Variants in TBC1D19 observed in about 807,000 individuals in gnomAD.
TBC1D19 encodes the protein TBC1 domain family member 19.
TBC1D19 carries 60 observed loss-of-function variants against 89.0 expected under a neutral mutation model. The observed-to-expected ratio is 0.67, with a 90% CI of 0.55 to 0.84. The LOEUF (loss-of-function observed/expected upper bound fraction) is 0.84, where lower values mean the gene tolerates loss of function less well. Ranked by LOEUF, TBC1D19 falls within the 40% of genes least tolerant of loss-of-function variation. The pLI is 0.00. For synonymous variants in TBC1D19, 189 were observed against 199.7 expected (o/e 0.95, Z 0.45); for missense variants, 500 against 610.8 (o/e 0.82, Z 1.91).
At chr4:26,612,100 A>G (rs1011506496) in intron 1 of TBC1D19, among the ~76,000 whole-genome samples, 1 of 151,720 alleles carries the variant, frequency 6.6e-6, no homozygotes, top group African/African-American at 2.4e-5. Context: ...TCCTGTACAG[A>G]TGTTGATGTC....
At chr4:26,839,279 T>G in the TBC1D19 span, among the ~76,000 whole-genome samples, 1 of 152,128 alleles carries the variant, frequency 6.6e-6, no homozygotes, top group Admixed American at 6.5e-5. Context: ...AATTAAAACC[T>G]ATGAATTAGT....
At chr4:26,726,505 G>A (rs1256190401) in intron 15 of TBC1D19, among the ~76,000 whole-genome samples, 2 of 152,070 alleles carry the variant, frequency 1.3e-5, no homozygotes, top group Admixed American at 1.3e-4. Flanking sequence ...TTTAAATGTG[G>A]TTATGTTCCT....
At chr4:26,620,722 A>T in intron 4 of TBC1D19, 34 bp downstream of exon 4, 1 of 1,583,084 alleles carries the variant, frequency 6.3e-7, no homozygotes, top group Non-Finnish European at 8.7e-7. Context: ...TTATTTTTTC[A>T]TGCCAAGTTA....
chr4:26,853,685 G>A, the TBC1D19 span, among the ~76,000 whole-genome samples: 35 of 152,162 alleles, frequency 2.3e-4, no homozygotes, highest in African/African-American at 8.2e-4. Context: ...TTACAGGTGT[G>A]CACCACCATG....
intron 11 of TBC1D19, among the ~76,000 whole-genome samples, chr4:26,676,438 C>T (rs1240444727): frequency 6.6e-6 from 1 of 152,186 alleles, no homozygotes; most frequent in Non-Finnish European, 1.5e-5. Context: ...AAATGTCAGG[C>T]TGGGCACAGT....
chr4:26,700,944 C>T (rs144768724), intron 13 of TBC1D19, among the ~76,000 whole-genome samples: 111 of 152,166 alleles, frequency 7.3e-4, no homozygotes, highest in African/African-American at 2.6e-3. Flanking sequence ...AACCAAAAGA[C>T]CCACATTTTT....
At chr4:26,785,524 T>C in the TBC1D19 span, among the ~76,000 whole-genome samples, 2,017 of 152,322 alleles carry the variant, frequency 0.013, 48 homozygotes, top group African/African-American at 0.046. Context: ...TAGTTATTCC[T>C]CTCAAGAAGT....
intron 1 of TBC1D19, among the ~76,000 whole-genome samples, chr4:26,589,354 G>A (rs758701567): frequency 2.6e-5 from 4 of 152,046 alleles, no homozygotes; most frequent in Non-Finnish European, 5.9e-5. Context: ...TAGATCTTAG[G>A]GTACTACAGA....
At chr4:26,827,743 C>A in the TBC1D19 span, among the ~76,000 whole-genome samples, 9 of 142,098 alleles carry the variant, frequency 6.3e-5, no homozygotes, top group Admixed American at 2.9e-4. Context: ...TAGGGTCTTG[C>A]GATGACACTC....
the TBC1D19 span, among the ~76,000 whole-genome samples, chr4:26,772,927 T>A: frequency 6.6e-6 from 1 of 152,206 alleles, no homozygotes; most frequent in African/African-American, 2.4e-5. Flanking sequence ...AATGAACATA[T>A]GCATGAATGT....
At chr4:26,682,325 A>G (rs1713419848) in intron 11 of TBC1D19, among the ~76,000 whole-genome samples, 1 of 152,246 alleles carries the variant, frequency 6.6e-6, no homozygotes, top group Admixed American at 6.5e-5. Flanking sequence ...AGGACCAATT[A>G]AGGCTTTTTA....
chr4:26,839,074 A>G, the TBC1D19 span, among the ~76,000 whole-genome samples: 1 of 152,212 alleles, frequency 6.6e-6, no homozygotes, highest in South Asian at 2.1e-4. Context: ...ACAACATCTT[A>G]GGATTTAAGT....
At chr4:26,652,601 G>A (rs1744476404) in intron 7 of TBC1D19, among the ~76,000 whole-genome samples, 1 of 152,164 alleles carries the variant, frequency 6.6e-6, no homozygotes, top group Non-Finnish European at 1.5e-5. Flanking sequence ...TTGGGAGGGT[G>A]TATGTGTCAA....
intron 18 of TBC1D19, 81 bp downstream of exon 18, chr4:26,742,680 T>G: frequency 9.9e-7 from 1 of 1,010,726 alleles, no homozygotes; most frequent in Non-Finnish European, 1.4e-6. Context: ...CACTTGCAAA[T>G]ACGTAATTTT....
the TBC1D19 span, among the ~76,000 whole-genome samples, chr4:26,777,557 G>C: frequency 6.6e-6 from 1 of 152,108 alleles, no homozygotes; most frequent in Non-Finnish European, 1.5e-5. Context: ...TTATGCTTCA[G>C]CCTCCAGAGT....
the TBC1D19 span, among the ~76,000 whole-genome samples, chr4:26,828,998 C>T: frequency 6.6e-6 from 1 of 152,232 alleles, no homozygotes; most frequent in African/African-American, 2.4e-5. Flanking sequence ...GTATTTACAA[C>T]TTTTATCAAA....
the TBC1D19 span, chr4:26,857,530 G>A: frequency 6.6e-6 from 1 of 152,232 alleles, no homozygotes; most frequent in South Asian, 2.1e-4. Context: ...ACAGCCCGCC[G>A]CGCCCGCCCA....
In TBC1D19 at chr4:26,646,374, C is replaced by G. The variant is rs1386191000; in HGVS notation, c.480+6187C>G. Among the ~76,000 whole-genome samples the G allele has an allele frequency of 2.0e-5, 3 of 152,080 alleles. No individual in the cohort carries two copies. The East Asian group carries it at 5.8e-4, about 29-fold the overall frequency. On this transcript the variant is annotated intron_variant, in intron 7 of 20. Coordinates refer to ENST00000264866, the MANE Select transcript of TBC1D19 (RefSeq NM_018317.4). Reference sequence around the variant, plus strand: ...GCTTTTACACTATTGGTAGTGTAAACTAGTTCAACCACTGTGGTAGACAGT... The same window carrying G: ...GCTTTTACACTATTGGTAGTGTAAAGTAGTTCAACCACTGTGGTAGACAGT...
At chr4:26,758,714 G>T (rs1411785156), downstream of TBC1D19, among the ~76,000 whole-genome samples, 1 of 152,194 alleles carries the variant, frequency 6.6e-6, no homozygotes, top group Non-Finnish European at 1.5e-5. Flanking sequence ...AGATCGTGCT[G>T]CACCAGTCTA....
Sources: gnomAD v4.1 joint callset for allele counts (sites outside exome capture counted in the v4.1 genomes callset) on GRCh38, gnomAD v4.1.1 for gene constraint, MANE v1.5 for transcripts, NCBI Gene and HGNC (gene_info 2026-07-23, HGNC 2026-07-21) for gene names.